The following SFXN5 variants were observed in gnomAD, a reference collection of about 807,000 sequenced individuals.
SFXN5 encodes sideroflexin-5.
SFXN5 carries 43 observed loss-of-function variants against 50.2 expected under a neutral mutation model. The observed-to-expected ratio is 0.86, with a 90% CI of 0.67 to 1.11. The LOEUF is 1.11. SFXN5 is among the 50% of genes least tolerant of loss of function. The pLI, the probability that SFXN5 is intolerant of heterozygous loss-of-function variation, is 0.00. For synonymous variants in SFXN5, 203 were observed against 185.8 expected (o/e 1.09, Z -0.75); for missense variants, 463 against 454.1 (o/e 1.02, Z -0.18).
At chr2:73,045,913 G>C (rs1259497404) in intron 2 of SFXN5, among the ~76,000 whole-genome samples, 2 of 152,040 alleles carry the variant, frequency 1.3e-5, no homozygotes, top group African/African-American at 4.8e-5. Context: ...CCCAAAGAAG[G>C]GGAACCAGGG....
intron 3 of SFXN5, among the ~76,000 whole-genome samples, chr2:73,037,018 C>T (rs1380044778): frequency 6.6e-6 from 1 of 152,252 alleles, no homozygotes; most frequent in Non-Finnish European, 1.5e-5. Context: ...TGCACAGGGG[C>T]ATCTGGCCAA....
intron 12 of SFXN5, among the ~76,000 whole-genome samples, chr2:72,964,868 G>GGTCCCAGGCTGGACGGGTTCA (rs1223215227): frequency 6.6e-6 from 1 of 152,214 alleles, no homozygotes; most frequent in Admixed American, 6.5e-5. Flanking sequence ...ACACTAGGCA[G>GGTCCCAGGCTGGACGGGTTCA]GTCCCAGGCT....
At chr2:73,071,394 G>C in intron 1 of SFXN5, 1 of 552,854 alleles carries the variant, frequency 1.8e-6, no homozygotes, top group Non-Finnish European at 3.2e-6. Flanking sequence ...ACGGCGCCAA[G>C]GGCCAATAGG....
chr2:73,012,767 C>T (rs1032826114), intron 6 of SFXN5, among the ~76,000 whole-genome samples: 1 of 149,428 alleles, frequency 6.7e-6, no homozygotes, highest in South Asian at 2.1e-4. Flanking sequence ...TGATGAAATT[C>T]CAGATGATTT....
rs1006523844 is a variant in SFXN5 at position 72,953,088 on chromosome 2, C to A, written c.946-7989G>T. ...GCATGTGTACATGTTCTTGCGTGCA[C>A]GTGTATGTGTGCGAGCCTGTGTGCA... On this transcript the variant is annotated intron_variant, in intron 13 of 13. Coordinates refer to ENST00000272433, the MANE Select transcript of SFXN5 (RefSeq NM_144579.3). This position sits in a 1 kb window ranked among gnomAD's most constrained non-coding sequence, Gnocchi z 4.1. 1.3e-5 allele frequency among the ~76,000 whole-genome samples: 2 copies of A among 152,102 alleles called. No homozygotes were observed. Among genetic ancestry groups the A allele is most frequent in the African/African-American group, 2.4e-5 (1 of 41,404 alleles).
intron 2 of SFXN5, among the ~76,000 whole-genome samples, chr2:73,056,554 G>A (rs370945496): frequency 3.4e-4 from 50 of 148,550 alleles, no homozygotes; most frequent in Middle Eastern, 3.8e-3. Context: ...GCATGGTGGC[G>A]CACACCTGTA....
intron 2 of SFXN5, among the ~76,000 whole-genome samples, chr2:73,056,685 CAA>C (rs143472338): frequency 3.7e-5 from 3 of 80,846 alleles, no homozygotes; most frequent in African/African-American, 8.8e-5. Context: ...AACTCCGTCT[CAA>C]AAAAAAAAAA....
chr2:73,047,232 AAAAAAAAAAAAAAAT>A (rs1207639150), intron 2 of SFXN5, among the ~76,000 whole-genome samples: 85 of 62,658 alleles, frequency 1.4e-3, no homozygotes, highest in African/African-American at 6.3e-3. Context: ...AAAAAAAAAA[AAAAAAAAAAAAAAAT>A]ATATATATAT....
intron 1 of SFXN5, 137 bp downstream of exon 1, chr2:73,071,467 G>A (rs910408017): frequency 2.7e-6 from 2 of 728,470 alleles, no homozygotes; most frequent in South Asian, 1.8e-5. Flanking sequence ...CTGTGACCGA[G>A]GTTCCCCCCC....
intron 9 of SFXN5, among the ~76,000 whole-genome samples, chr2:72,994,036 G>A (rs73943034): frequency 0.062 from 9,408 of 152,226 alleles, 366 homozygotes; most frequent in East Asian, 0.16. Context: ...GAGGCGGCAC[G>A]GTAATAGCTC....
intron 12 of SFXN5, among the ~76,000 whole-genome samples, chr2:72,964,137 G>C (rs929159974): frequency 6.6e-6 from 1 of 152,252 alleles, no homozygotes; most frequent in Non-Finnish European, 1.5e-5. Flanking sequence ...AAGCAAGGCA[G>C]GTCCCAGCCA....
At chr2:73,020,018 C>T in intron 6 of SFXN5, 2 of 522,468 alleles carry the variant, frequency 3.8e-6, no homozygotes, top group Non-Finnish European at 6.7e-6. Context: ...ATTTTCAACT[C>T]AACGCTGGAT....
intron 13 of SFXN5, among the ~76,000 whole-genome samples, chr2:72,948,432 G>A (rs1194945648): frequency 6.6e-6 from 1 of 152,232 alleles, no homozygotes; most frequent in East Asian, 1.9e-4. Flanking sequence ...AGACATCTTG[G>A]ATGTCAGAGG....
chr2:73,071,646 G>T lies in SFXN5; in HGVS notation c.60C>A (p.Ser20Arg). 2 of 1,613,608 alleles carry T rather than the reference G, an allele frequency of 1.2e-6. No individual in the cohort carries two copies. The highest frequency in any genetic ancestry group is 1.7e-6 in the Non-Finnish European group (2 of 1,179,892). ...TGCCCAGTTGGAAAGGAGGTGCATC[G>T]CTCGAGGCGCTAGCGGCACTAGCCG... ...AAAASAASAS[S>R]DAPPFQLGKP... Residue 20 changes from serine (S) to arginine (R), a missense_variant, in exon 1 of 14, where the codon AGC (serine) becomes AGA (arginine). Coordinates refer to ENST00000272433, the MANE Select transcript of SFXN5 (RefSeq NM_144579.3).
At chr2:73,019,818 G>C (rs1213529664) in intron 6 of SFXN5, 1 of 167,974 alleles carries the variant, frequency 6.0e-6, no homozygotes. Context: ...AAAATAAGGA[G>C]TAAACATAAT....
chr2:72,976,325 G>T (rs993594536), intron 10 of SFXN5, among the ~76,000 whole-genome samples: 5 of 151,862 alleles, frequency 3.3e-5, no homozygotes, highest in African/African-American at 1.2e-4. Flanking sequence ...ACTTCTTGAA[G>T]AAGATCACAC....
At chr2:73,070,911 G>A (rs917053069) in intron 1 of SFXN5, 1 of 152,402 alleles carries the variant, frequency 6.6e-6, no homozygotes, top group African/African-American at 2.4e-5. Context: ...GACGGCCCCA[G>A]GGGATGACAC....
At chr2:72,951,967 G>A (rs1452189646) in intron 13 of SFXN5, among the ~76,000 whole-genome samples, 3 of 152,254 alleles carry the variant, frequency 2.0e-5, no homozygotes, top group East Asian at 1.9e-4. Flanking sequence ...GTCCTGTTCC[G>A]ACACACACAC....
chr2:73,066,783 T>C (rs1683209021), intron 1 of SFXN5, among the ~76,000 whole-genome samples: 1 of 151,936 alleles, frequency 6.6e-6, no homozygotes, highest in Admixed American at 6.6e-5. Context: ...GAACAATCAT[T>C]AGAGGCCAGG....
Sources: gnomAD v4.1 joint callset for allele counts (sites outside exome capture counted in the v4.1 genomes callset) on GRCh38, gnomAD v4.1.1 for gene constraint, Gnocchi (gnomAD v3.1) non-coding constraint, MANE v1.5 for transcripts, NCBI Gene and HGNC (gene_info 2026-07-23, HGNC 2026-07-21) for gene names.